Variants in PARVB observed in about 807,000 individuals in gnomAD.
The protein encoded by PARVB is parvin beta, also known as beta-parvin.
In PARVB, 46 loss-of-function variants were observed where a neutral mutation model predicts 47.0. The ratio of observed to expected loss-of-function variants is 0.98; its 90% confidence interval spans 0.77 to 1.25. PARVB has a LOEUF of 1.25. PARVB is among the 50% of genes most tolerant of loss of function. The pLI, the probability that PARVB is intolerant of heterozygous loss-of-function variation, is 0.00. For synonymous variants in PARVB, 196 were observed against 196.3 expected (o/e 1.00, Z 0.01); for missense variants, 473 against 471.6 (o/e 1.00, Z -0.03).
At chr22:44,131,043 C>CCCTG (rs2053299000) in intron 4 of PARVB, among the ~76,000 whole-genome samples, 2 of 106,030 alleles carry the variant, frequency 1.9e-5, no homozygotes, top group African/African-American at 6.8e-5. Flanking sequence ...CTTCCTCCCT[C>CCCTG]CCTCCCTCCC....
At chr22:44,038,629 A>G (rs2050963130) in intron 1 of PARVB, among the ~76,000 whole-genome samples, 1 of 152,134 alleles carries the variant, frequency 6.6e-6, no homozygotes, top group Non-Finnish European at 1.5e-5. Context: ...AAAAAATACA[A>G]AAATTAGCTG....
intron 1 of PARVB, chr22:44,081,702 G>C: frequency 1.3e-6 from 1 of 777,156 alleles, no homozygotes; most frequent in East Asian, 1.3e-4. Context: ...ATTGCCCCCC[G>C]CCTCGGTGGG....
At chr22:44,151,729 T>G (rs1601688742) in intron 10 of PARVB, 178 bp downstream of exon 10, 4 of 574,024 alleles carry the variant, frequency 7.0e-6, no homozygotes. Flanking sequence ...CTTCCTTTCC[T>G]GGGGCTGCTG....
At chr22:44,073,106 A>T (rs1290909487) in intron 1 of PARVB, among the ~76,000 whole-genome samples, 1 of 152,232 alleles carries the variant, frequency 6.6e-6, no homozygotes, top group Non-Finnish European at 1.5e-5. Context: ...TCAATGAGTG[A>T]ATGAACAAAT....
At position 44,085,623 on chromosome 22, in the gene PARVB, T is replaced by C. The variant is rs16991428; in HGVS notation, c.113-8305T>C. Among the ~76,000 whole-genome samples the C allele has an allele frequency of 3.9e-3, 599 of 152,348 alleles. 12 individuals carry two copies. The highest frequency in any genetic ancestry group is 0.028 in the Admixed American group (424 of 15,302). ...CTGGCCCAACCTGCTTTTGCTTTTT[T>C]AAAAAATCTCAACACCATGCTATGT... On this transcript the variant is annotated intron_variant, in intron 1 of 12. Transcript: ENST00000338758.
intron 1 of PARVB, among the ~76,000 whole-genome samples, chr22:44,065,789 G>C (rs1369592259): frequency 6.6e-6 from 1 of 151,812 alleles, no homozygotes; most frequent in Non-Finnish European, 1.5e-5. Context: ...TTCCATCCAG[G>C]TTACTGCGAA....
rs1569115682 is a variant in PARVB, at chr22:44,103,314, GTGGGCTTCTGAGACCA to G, written c.273+3195_273+3210del. 1.3e-5 allele frequency: 2 copies of G among 152,254 alleles called. No individual in the cohort carries two copies. Among genetic ancestry groups the G allele is most frequent in the Non-Finnish European group, 2.9e-5 (2 of 68,062 alleles). 9.4% of individuals were successfully genotyped at this position (152,254 alleles called of 1,614,324 possible). Reference sequence around the variant, plus strand: ...AATGCCTCTCCCCGACTTCCCTGATGTGGGCTTCTGAGACCATGGCTCATGGAGATGGGCTGCATGG... The same window carrying G: ...AATGCCTCTCCCCGACTTCCCTGATGTGGCTCATGGAGATGGGCTGCATGG... On this transcript the variant is annotated intron_variant, in intron 3 of 12. Coordinates refer to ENST00000338758, the MANE Select transcript of PARVB (RefSeq NM_013327.5). The surrounding 1 kb of genome is among the most constrained non-coding windows in gnomAD (Gnocchi z 4.6).
chr22:44,156,478 C>T (rs2053937107), intron 10 of PARVB, among the ~76,000 whole-genome samples: 1 of 152,076 alleles, frequency 6.6e-6, no homozygotes, highest in Admixed American at 6.6e-5. Flanking sequence ...GGGGTTTCAC[C>T]CTGTTGGTCA....
At chr22:44,097,742 C>G (rs1292951888) in intron 2 of PARVB, among the ~76,000 whole-genome samples, 1 of 152,196 alleles carries the variant, frequency 6.6e-6, no homozygotes, top group Non-Finnish European at 1.5e-5. Context: ...CTCTCAGGCC[C>G]ACTGTTCCCC....
intron 4 of PARVB, among the ~76,000 whole-genome samples, chr22:44,127,731 G>A (rs1038094298): frequency 6.6e-6 from 1 of 151,564 alleles, no homozygotes. Flanking sequence ...TTCTGGTTTG[G>A]CCATGTGGAA....
At chr22:44,071,089 G>C (rs1381868194) in intron 1 of PARVB, among the ~76,000 whole-genome samples, 1 of 152,174 alleles carries the variant, frequency 6.6e-6, no homozygotes, top group African/African-American at 2.4e-5. Flanking sequence ...AGAGCATCCT[G>C]GGGCCAGTGT....
At chr22:44,095,131 G>C (rs2052270656) in intron 2 of PARVB, among the ~76,000 whole-genome samples, 1 of 152,060 alleles carries the variant, frequency 6.6e-6, no homozygotes, top group African/African-American at 2.4e-5. Flanking sequence ...ACAGAGGGTG[G>C]TTTACCATCT....
chr22:44,150,238 TC>T (rs1440331116), intron 9 of PARVB: 1 of 152,220 alleles, frequency 6.6e-6, no homozygotes, highest in Non-Finnish European at 1.5e-5. Flanking sequence ...ATATTGAGTT[TC>T]TATCAAAGTT....
In PARVB at chr22:44,024,454, G is replaced by A; in HGVS notation, c.112+3G>A. ...CAGGAAGCGGAGGGCGCGCGAGGGT[G>A]AGTGCGCGCCCGCGCCCGCCGACCC... On this transcript the variant is annotated splice_donor_region_variant and intron_variant, in intron 1 of 12. Transcript: ENST00000338758. The A allele has an allele frequency of 7.7e-6, 9 of 1,170,164 alleles. No homozygotes were observed. The highest frequency in any genetic ancestry group is 8.5e-6 in the Non-Finnish European group (8 of 944,774). The allele number at this position is 1,170,164 out of a possible 1,614,324, so 72.5% of individuals were successfully genotyped here.
rs115960993 is a variant in PARVB at position 44,016,059 on chromosome 22, G to A, written c.211+16386G>A. On this transcript the variant is annotated intron_variant, in intron 2 of 13. Coordinates refer to the PARVB transcript ENST00000406477. ...TTTTTTTGGGATTTCTCTCTGGGCA[G>A]AGAGCTCTTCTCTGTCTTTTTCTTT... Among the ~76,000 whole-genome samples, 481 of 151,624 alleles carry A rather than the reference G, an allele frequency of 3.2e-3. 4 individuals are homozygous for A. Among genetic ancestry groups the A allele is most frequent in the African/African-American group, 0.011 (465 of 41,308 alleles).
intron 1 of PARVB, among the ~76,000 whole-genome samples, chr22:44,078,316 A>C (rs2051822841): frequency 6.6e-6 from 1 of 152,172 alleles, no homozygotes; most frequent in Non-Finnish European, 1.5e-5. Flanking sequence ...CACCCAGATG[A>C]GTGGTTAGAC....
Position 44,168,709 on chromosome 22 carries a change from C to G in PARVB, c.*31C>G. On this transcript the variant is annotated 3_prime_UTR_variant, in exon 13 of 13. Coordinates refer to ENST00000338758, the MANE Select transcript of PARVB (RefSeq NM_013327.5). ...GAGCTGTGGATGGTGGCAGGAGTGT[C>G]CCAGCAAGAAAGGCGGCATCCGTCT... 1 of 1,480,452 alleles carries G rather than the reference C, an allele frequency of 6.8e-7. No individual in the cohort carries two copies. The highest frequency in any genetic ancestry group is 2.3e-5 in the East Asian group (1 of 44,298). The allele number at this position is 1,480,452 out of a possible 1,614,324, so 91.7% of individuals were successfully genotyped here. A position where few individuals can be genotyped will look rare whatever the true frequency, so the allele number is the denominator to read the frequency against.
rs1364403365 is a variant in PARVB, at chr22:44,169,365, G to A, written c.*687G>A. On this transcript the variant is annotated 3_prime_UTR_variant, in exon 13 of 13. Coordinates refer to ENST00000338758, the MANE Select transcript of PARVB (RefSeq NM_013327.5). The stretch of plus-strand genomic sequence containing the variant: ...GGCCCAGCTCCCACAGTCCTTGAAA[G>A]GAGCTGTCTGCTGGGGACGTTTCTT... The A allele has an allele frequency of 6.7e-6, 1 of 150,296 alleles. No individual in the cohort carries two copies. Among genetic ancestry groups the A allele is most frequent in the Non-Finnish European group, 1.5e-5 (1 of 68,056 alleles). The allele number at this position is 150,296 out of a possible 1,614,324, so 9.3% of individuals were successfully genotyped here.
chr22:44,002,051 G>A (rs952987328), intron 2 of PARVB, among the ~76,000 whole-genome samples: 1 of 152,256 alleles, frequency 6.6e-6, no homozygotes, highest in African/African-American at 2.4e-5. Context: ...ATGGCCATAG[G>A]GGTGTGTTGC....
Sources: allele counts gnomAD v4.1 joint callset (sites outside exome capture counted in the v4.1 genomes callset), GRCh38; gene constraint gnomAD v4.1.1; non-coding constraint Gnocchi (gnomAD v3.1); transcripts MANE v1.5; gene names NCBI Gene and HGNC (gene_info 2026-07-23, HGNC 2026-07-21).